Variants in COX10 observed in about 807,000 individuals in gnomAD.
COX10 encodes the protein protoheme IX farnesyltransferase, mitochondrial.
In COX10, 27 loss-of-function variants were observed where a neutral mutation model predicts 37.3. The observed-to-expected ratio is 0.72, with a 90% CI of 0.53 to 1.00. COX10 has a LOEUF of 1.00. Ranked by LOEUF, COX10 falls within the 50% of genes least tolerant of loss-of-function variation. The pLI is 0.00. For missense variants in COX10, 475 were observed against 563.2 expected (o/e 0.84, Z 1.59); for synonymous variants, 222 against 229.1 (o/e 0.97, Z 0.28).
At position 14,077,013 on chromosome 17, in the gene COX10, T is replaced by G. The variant is rs775044944; in HGVS notation, c.456T>G (p.Asp152Glu). Residue 152 changes from aspartate (D) to glutamate (E), a missense_variant, in exon 3 of 7, where the codon GAT becomes GAG. Around this residue, in one of 5 missense-constraint regions of COX10, gnomAD observed 242 missense variants for 242.5 expected, o/e 1.00. Coordinates refer to ENST00000261643, the MANE Select transcript of COX10 (RefSeq NM_001303.4). ...AAGAGATGAAGCTGCAAGTGTATGA[T>G]TTGCCAGGAATTTTGGCTCGACTAT... ...RWKEMKLQVY[D>E]LPGILARLSK... 2.5e-5 allele frequency: 40 copies of G among 1,614,022 alleles called. No homozygotes were observed. Among genetic ancestry groups the G allele is most frequent in the Non-Finnish European group, 2.5e-6 (3 of 1,180,028 alleles).
intron 3 of COX10, among the ~76,000 whole-genome samples, chr17:14,098,467 A>T (rs553347658): frequency 2.0e-5 from 3 of 152,288 alleles, no homozygotes; most frequent in East Asian, 3.9e-4. Flanking sequence ...CTTGCAAAAA[A>T]AATGGCTCTT....
intron 4 of COX10, among the ~76,000 whole-genome samples, chr17:14,143,930 A>G (rs1345314582): frequency 6.6e-6 from 1 of 152,186 alleles, no homozygotes; most frequent in East Asian, 1.9e-4. Flanking sequence ...TTGTGCCCAC[A>G]AGCGTACAGT....
At chr17:14,149,196 CTGT>C (rs1282303322) in intron 4 of COX10, among the ~76,000 whole-genome samples, 1 of 151,828 alleles carries the variant, frequency 6.6e-6, no homozygotes, top group Non-Finnish European at 1.5e-5. Context: ...TTAAATAGAA[CTGT>C]TCATTGATTC....
chr17:14,074,049 G>A (rs1025537354), intron 1 of COX10, among the ~76,000 whole-genome samples: 6 of 152,102 alleles, frequency 3.9e-5, no homozygotes, highest in Admixed American at 3.3e-4. Flanking sequence ...GATATGTAGC[G>A]TGGTCATTTC....
intron 3 of COX10, among the ~76,000 whole-genome samples, chr17:14,086,266 ATTG>A (rs1289627967): frequency 1.3e-5 from 2 of 152,008 alleles, no homozygotes; most frequent in African/African-American, 2.4e-5. Flanking sequence ...ATTTATCTGC[ATTG>A]TTAATATTAT....
chr17:14,129,556 A>C (rs996205423), intron 4 of COX10, among the ~76,000 whole-genome samples: 3 of 152,134 alleles, frequency 2.0e-5, no homozygotes, highest in African/African-American at 7.2e-5. Context: ...ATTTTTATTT[A>C]GGCTTATATG....
At chr17:14,102,069 T>G (rs2108683) in intron 3 of COX10, 49 bp from the exon 4 acceptor site, 1 of 1,612,484 alleles carries the variant, frequency 6.2e-7, no homozygotes, top group Non-Finnish European at 8.5e-7. Flanking sequence ...GCCTTTACAG[T>G]TGGGACTCCT....
chr17:14,103,819 G>T (rs1915836542), intron 4 of COX10, among the ~76,000 whole-genome samples: 1 of 152,170 alleles, frequency 6.6e-6, no homozygotes, highest in African/African-American at 2.4e-5. Context: ...GATGTGTTTA[G>T]GTGGCTGCTT....
At chr17:14,122,666 C>T (rs551816686) in intron 4 of COX10, among the ~76,000 whole-genome samples, 189 of 152,134 alleles carry the variant, frequency 1.2e-3, no homozygotes, top group South Asian at 1.9e-3. Context: ...TGGCAGTTGG[C>T]GATTGGTGCC....
At position 14,102,111 on chromosome 17, in the gene COX10, A is replaced by G. The variant is rs775584693; in HGVS notation, c.500-7A>G. 4 of 1,613,482 alleles carry G rather than the reference A, an allele frequency of 2.5e-6. No homozygotes were observed. Among genetic ancestry groups the G allele is most frequent in the South Asian group, 1.1e-5 (1 of 91,074 alleles). On this transcript the variant is annotated splice_region_variant and splice_polypyrimidine_tract_variant and intron_variant, in intron 3 of 6. Transcript: ENST00000261643. ...AACAGTGTGTCTGCTCTGTTTCTGT[A>G]TCGCAGCTCTGGTTGTAAGTACCAC...
intron 4 of COX10, among the ~76,000 whole-genome samples, chr17:14,131,855 A>T (rs1916475162): frequency 6.6e-6 from 1 of 151,978 alleles, no homozygotes; most frequent in South Asian, 2.1e-4. Flanking sequence ...TCTGAAGCCT[A>T]AATCAGTAGC....
chr17:14,087,028 C>T (rs867049865), intron 3 of COX10, among the ~76,000 whole-genome samples: 11 of 152,124 alleles, frequency 7.2e-5, no homozygotes, highest in Non-Finnish European at 1.5e-4. Flanking sequence ...TTTCCTTAAC[C>T]TACTTTGTTT....
chr17:14,177,015 A>G (rs1353044778), intron 5 of COX10: 4 of 380,008 alleles, frequency 1.1e-5, no homozygotes, highest in Non-Finnish European at 1.9e-5. Context: ...ATGCCATTTA[A>G]TGAGAAAAAA....
At chr17:14,156,097 GTGCCAGGCATCA>G (rs1905034820) in intron 4 of COX10, among the ~76,000 whole-genome samples, 1 of 152,158 alleles carries the variant, frequency 6.6e-6, no homozygotes, top group South Asian at 2.1e-4. Flanking sequence ...TACATTCTGT[GTGCCAGGCATCA>G]TGCCTTATGT....
chr17:14,081,487 A>ATTT (rs1009046064), intron 3 of COX10, among the ~76,000 whole-genome samples: 5 of 152,204 alleles, frequency 3.3e-5, no homozygotes, highest in Non-Finnish European at 7.3e-5. Flanking sequence ...TGAAGCAGGT[A>ATTT]TTTTCCAGCT....
At chr17:14,127,238 A>G (rs1283592187) in intron 4 of COX10, among the ~76,000 whole-genome samples, 4 of 152,152 alleles carry the variant, frequency 2.6e-5, no homozygotes, top group Admixed American at 1.3e-4. Flanking sequence ...TAAAAAATTG[A>G]TGTTTTGAAT....
At chr17:14,084,718 T>C (rs1915371373) in intron 3 of COX10, among the ~76,000 whole-genome samples, 1 of 152,184 alleles carries the variant, frequency 6.6e-6, no homozygotes. Context: ...TGGAGTGCAA[T>C]GGCATGATCT....
In COX10 at chr17:14,103,699, T is replaced by A. The variant is rs539591677; in HGVS notation, c.624+1457T>A. ...AAATAGGTAGCTCAAGAATTTATCA[T>A]GAAAAAAACCTCTCAGTTGGATCAA... On this transcript the variant is annotated intron_variant, in intron 4 of 6. Transcript: ENST00000261643. Among the ~76,000 whole-genome samples, 9 of 152,138 alleles carry A rather than the reference T, an allele frequency of 5.9e-5. No homozygotes were observed. The South Asian group carries it at 1.9e-3, about 32-fold the overall frequency.
At chr17:14,104,798 C>T (rs966330248) in intron 4 of COX10, among the ~76,000 whole-genome samples, 6 of 152,022 alleles carry the variant, frequency 3.9e-5, no homozygotes, top group African/African-American at 1.4e-4. Context: ...AATTCAGCTT[C>T]TGAATTATGA....
Sources: allele counts gnomAD v4.1 joint callset (sites outside exome capture counted in the v4.1 genomes callset), GRCh38; gene constraint gnomAD v4.1.1; regional missense constraint gnomAD v4.1.1; transcripts MANE v1.5; gene names NCBI Gene and HGNC (gene_info 2026-07-23, HGNC 2026-07-21).